MAP3K7: variants seen among roughly 807,000 people sequenced by gnomAD.
The protein encoded by MAP3K7 is TGF-beta activated kinase 1.
A neutral mutation model predicts 84.8 loss-of-function variants in MAP3K7; 21 were observed. That is an observed-to-expected ratio of 0.25 (90% confidence interval 0.18 to 0.36). MAP3K7 has a LOEUF of 0.36. MAP3K7 is among the 10% of genes least tolerant of loss of function. The pLI, the probability that MAP3K7 is intolerant of heterozygous loss-of-function variation, is 1.00. For synonymous variants in MAP3K7, 241 were observed against 247.7 expected (o/e 0.97, Z 0.25); for missense variants, 503 against 747.7 (o/e 0.67, Z 3.82).
At chr6:90,556,478 T>C (rs761994951) in intron 6 of MAP3K7, 22 bp downstream of exon 6, 3 of 1,606,948 alleles carry the variant, frequency 1.9e-6, no homozygotes, top group Non-Finnish European at 2.5e-6. Flanking sequence ...TTATCAAACA[T>C]ACCATACTTT....
chr6:90,538,181 G>T (rs1775739186), intron 12 of MAP3K7, among the ~76,000 whole-genome samples: 1 of 151,870 alleles, frequency 6.6e-6, no homozygotes, highest in South Asian at 2.1e-4. Context: ...CCATCTGGCA[G>T]ATAGTTCAGA....
At chr6:90,519,806 T>C (rs765987136) in intron 14 of MAP3K7, among the ~76,000 whole-genome samples, 1 of 151,906 alleles carries the variant, frequency 6.6e-6, no homozygotes, top group Non-Finnish European at 1.5e-5. Context: ...TCAATTTATA[T>C]AGATTATAAT....
At chr6:90,542,335 G>A in intron 12 of MAP3K7, 1 of 983,872 alleles carries the variant, frequency 1.0e-6, no homozygotes, top group Non-Finnish European at 1.2e-6. Flanking sequence ...GTGCACCTGA[G>A]TAAGTTAATG....
At chr6:90,536,305 T>C (rs1474629975) in intron 13 of MAP3K7, 32 bp downstream of exon 13, 3 of 1,571,232 alleles carry the variant, frequency 1.9e-6, no homozygotes, top group Non-Finnish European at 2.6e-6. Context: ...CCTAGTATTC[T>C]TCAAAGATAG....
intron 6 of MAP3K7, among the ~76,000 whole-genome samples, chr6:90,554,282 G>T (rs937969355): frequency 2.2e-4 from 33 of 152,192 alleles, no homozygotes; most frequent in Admixed American, 2.0e-3. Flanking sequence ...CAAAGCAGAA[G>T]AACTTTCTAA....
At chr6:90,551,413 T>C (rs907418625) in intron 8 of MAP3K7, 3 of 152,170 alleles carry the variant, frequency 2.0e-5, no homozygotes, top group African/African-American at 4.8e-5. Context: ...TTTTTGTTAA[T>C]GTACCAAAAA....
intron 7 of MAP3K7, 102 bp from the exon 8 acceptor site, chr6:90,552,281 T>C: frequency 8.9e-7 from 1 of 1,125,352 alleles, no homozygotes; most frequent in South Asian, 1.8e-5. Context: ...TTTATAGATC[T>C]TGTAGTTTAA....
intron 12 of MAP3K7, among the ~76,000 whole-genome samples, chr6:90,538,931 C>A (rs560589032): frequency 1.3e-5 from 2 of 151,956 alleles, no homozygotes; most frequent in South Asian, 4.1e-4. Context: ...ATGTAAGAAT[C>A]AACACTACAT....
In MAP3K7 at chr6:90,515,284, TAG is replaced by T. The variant is rs1228929304; in HGVS notation, c.*1215_*1216del. On this transcript the variant is annotated 3_prime_UTR_variant, in exon 17 of 17. Coordinates refer to ENST00000369329, the MANE Select transcript of MAP3K7 (RefSeq NM_145331.3). ...TATTTTAACACCAACTGAAAAAATA[TAG>T]AGTTTGTATAGTCTATTATTTCAGT... 3 of 151,994 alleles carry T rather than the reference TAG, an allele frequency of 2.0e-5. No individual in the cohort carries two copies. The highest frequency in any genetic ancestry group is 4.8e-5 in the African/African-American group (2 of 41,434). 9.4% of individuals were successfully genotyped at this position (151,994 alleles called of 1,614,324 possible).
chr6:90,576,227 T>C (rs766585736), intron 1 of MAP3K7, among the ~76,000 whole-genome samples: 1 of 151,916 alleles, frequency 6.6e-6, no homozygotes, highest in Non-Finnish European at 1.5e-5. Flanking sequence ...ATTGAGACCA[T>C]CCTGGCTAAC....
intron 13 of MAP3K7, among the ~76,000 whole-genome samples, chr6:90,529,495 AG>A (rs1165618696): frequency 6.6e-6 from 1 of 152,162 alleles, no homozygotes; most frequent in African/African-American, 2.4e-5. Flanking sequence ...AATGAGAAAA[AG>A]TAGTAGCAGT....
At chr6:90,542,207 C>T (rs1279789053) in intron 12 of MAP3K7, 5 of 980,792 alleles carry the variant, frequency 5.1e-6, no homozygotes, top group Non-Finnish European at 4.8e-6. Flanking sequence ...GAGATATTCC[C>T]AAAGGATGGG....
At chr6:90,586,641 G>A in intron 1 of MAP3K7, 123 bp downstream of exon 1, 2 of 1,323,494 alleles carry the variant, frequency 1.5e-6, no homozygotes, top group South Asian at 1.5e-5. Context: ...GGGGTCTCCC[G>A]GGTGGACCCC....
chr6:90,556,610 G>T lies in MAP3K7; in HGVS notation c.497C>A (p.Ala166Glu), dbSNP rs2127976819. 6.2e-7 allele frequency: 1 copy of T among 1,605,120 alleles called. No individual in the cohort carries two copies. Among genetic ancestry groups the T allele is most frequent in the Non-Finnish European group, 8.5e-7 (1 of 1,176,900 alleles). Residue 166 changes from alanine to glutamate, a missense_variant, in exon 6 of 17, where the codon GCA (alanine) becomes GAA (glutamate). Ala to Glu is a moderately radical substitution (Grantham distance 107). This residue lies in a region of MAP3K7 where 97 missense variants were observed against 270.8 expected (regional missense o/e 0.36). Transcript: ENST00000369329. ...ACAAATTTTTAGAACTGTCCCCCCTGCAACCAGCAGTAAGCTGTTTAAAAA... is the reference window on the plus strand; with the variant it reads ...ACAAATTTTTAGAACTGTCCCCCCTTCAACCAGCAGTAAGCTGTTTAAAAA... ...DLKPPNLLLV[A>E]GGTVLKICDF...
chr6:90,553,591 A>G lies in MAP3K7; in HGVS notation c.608-5T>C, dbSNP rs76843079. The G allele has an allele frequency of 1.0e-5, 15 of 1,451,582 alleles. No homozygotes were observed. The highest frequency in any genetic ancestry group is 6.5e-5 in the South Asian group (5 of 77,214). The allele number at this position is 1,451,582 out of a possible 1,614,324, so 89.9% of individuals were successfully genotyped here. A position where few individuals can be genotyped will look rare whatever the true frequency, so the allele number is the denominator to read the frequency against. On this transcript the variant is annotated splice_polypyrimidine_tract_variant and splice_region_variant and intron_variant, in intron 6 of 16. Coordinates refer to ENST00000369329, the MANE Select transcript of MAP3K7 (RefSeq NM_145331.3). ...ATTTTTCACTGTAATTACTACCTAG[A>G]AAAAAAAAAGGTAGTATATAACCTA...
chr6:90,575,812 GA>G (rs1269026874), intron 1 of MAP3K7, among the ~76,000 whole-genome samples: 1 of 152,070 alleles, frequency 6.6e-6, no homozygotes, highest in African/African-American at 2.4e-5. Context: ...GCTTGATGTT[GA>G]AAGAATAATG....
intron 11 of MAP3K7, among the ~76,000 whole-genome samples, chr6:90,546,299 C>T (rs1227860539): frequency 6.6e-6 from 1 of 151,238 alleles, no homozygotes; most frequent in South Asian, 2.1e-4. Flanking sequence ...AGAAAAAAAC[C>T]AAATAAGTGA....
chr6:90,532,302 A>G (rs1292221227), intron 13 of MAP3K7, among the ~76,000 whole-genome samples: 1 of 152,136 alleles, frequency 6.6e-6, no homozygotes, highest in African/African-American at 2.4e-5. Context: ...TCTCACTATC[A>G]TGAGAGCAAG....
At chr6:90,545,119 T>C (rs1317202931) in intron 11 of MAP3K7, among the ~76,000 whole-genome samples, 1 of 149,866 alleles carries the variant, frequency 6.7e-6, no homozygotes, top group East Asian at 2.0e-4. Context: ...TAATAATTAT[T>C]GAATCAAAGT....
Sources: allele counts gnomAD v4.1 joint callset (sites outside exome capture counted in the v4.1 genomes callset), GRCh38; gene constraint gnomAD v4.1.1; regional missense constraint gnomAD v4.1.1; transcripts MANE v1.5; gene names NCBI Gene and HGNC (gene_info 2026-07-23, HGNC 2026-07-21).